MTO1: variants seen among roughly 807,000 people sequenced by gnomAD.
MTO1 encodes the protein mitochondrial tRNA translation optimization 1.
MTO1 carries 46 observed loss-of-function variants against 71.6 expected under a neutral mutation model. The ratio of observed to expected loss-of-function variants is 0.64; its 90% CI spans 0.51 to 0.82. The LOEUF (loss-of-function observed/expected upper bound fraction) is 0.82. Ranked by LOEUF, MTO1 falls within the 40% of genes least tolerant of loss-of-function variation. MTO1 has a pLI of 0.00. For synonymous variants in MTO1, 297 were observed against 312.1 expected (o/e 0.95, Z 0.51); for missense variants, 773 against 867.5 (o/e 0.89, Z 1.37).
chr6:73,495,014 C>T (rs1771946327), intron 10 of MTO1, among the ~76,000 whole-genome samples: 1 of 151,850 alleles, frequency 6.6e-6, no homozygotes, highest in African/African-American at 2.4e-5. Flanking sequence ...AACACCTGAC[C>T]TCAGATGATC....
intron 11 of MTO1, among the ~76,000 whole-genome samples, chr6:73,498,288 A>G (rs1019518084): frequency 2.0e-5 from 3 of 151,910 alleles, no homozygotes; most frequent in Non-Finnish European, 4.4e-5. Flanking sequence ...ATGAGAGATG[A>G]TAAAGCTTAA....
At chr6:73,493,354 A>ATGTGTGTGTGTGTGTGTG (rs144509962) in intron 10 of MTO1, among the ~76,000 whole-genome samples, 10 of 139,460 alleles carry the variant, frequency 7.2e-5, no homozygotes, top group East Asian at 2.2e-4. Context: ...ATGTGCATGT[A>ATGTGTGTGTGTGTGTGTG]TGTGTGTGTG....
chr6:73,479,886 C>T lies in MTO1; in HGVS notation c.938+42C>T, dbSNP rs1026125380. 8 of 1,602,372 alleles carry T rather than the reference C, an allele frequency of 5.0e-6. No homozygotes were observed. In the Admixed American group the frequency reaches 1.0e-4, roughly 20 times the overall value. ...AGTGCTCAGTTACTTTAAGGAATGA[C>T]GTCAATCCTCTTTTGTTCATTTCAA... On this transcript the variant is annotated intron_variant, in intron 5 of 11. Transcript: ENST00000498286.
intron 1 of MTO1, among the ~76,000 whole-genome samples, chr6:73,464,626 A>G (rs973892804): frequency 3.3e-5 from 5 of 151,546 alleles, no homozygotes; most frequent in African/African-American, 1.2e-4. Context: ...TTAAAAATAG[A>G]AAATTAAACA....
chr6:73,500,020 G>A (rs977022929), intron 11 of MTO1, among the ~76,000 whole-genome samples: 1 of 152,034 alleles, frequency 6.6e-6, no homozygotes, highest in Non-Finnish European at 1.5e-5. Flanking sequence ...ATTTTTTTGA[G>A]AGAGGGGCTT....
chr6:73,465,845 G>A (rs3116660), intron 1 of MTO1, among the ~76,000 whole-genome samples: 2 of 152,070 alleles, frequency 1.3e-5, no homozygotes, highest in South Asian at 2.1e-4. Flanking sequence ...TTAGCCAGGC[G>A]TGGTGCCGGA....
chr6:73,482,789 CTTTT>C (rs35121302), intron 9 of MTO1, among the ~76,000 whole-genome samples, 169 bp downstream of exon 9: 2 of 92,144 alleles, frequency 2.2e-5, no homozygotes, highest in Non-Finnish European at 3.9e-5. Context: ...TTTTTTCTTT[CTTTT>C]TTTTTTTTTT....
intron 10 of MTO1, among the ~76,000 whole-genome samples, chr6:73,493,666 C>T (rs555512368): frequency 1.3e-5 from 2 of 151,766 alleles, no homozygotes; most frequent in Non-Finnish European, 2.9e-5. Context: ...GCTGGGATTA[C>T]AGGTGTGAGC....
At position 73,503,026 on chromosome 6, in the gene MTO1, T is replaced by G. The variant is rs1202034377; in HGVS notation, c.*2291T>G. 1 of 152,232 alleles carries G rather than the reference T, an allele frequency of 6.6e-6. No individual in the cohort carries two copies. Among genetic ancestry groups the G allele is most frequent in the Non-Finnish European group, 1.5e-5 (1 of 68,046 alleles). The allele number at this position is 152,232 out of a possible 1,614,324, so 9.4% of individuals were successfully genotyped here. A position where few individuals can be genotyped will look rare whatever the true frequency, so the allele number is the denominator to read the frequency against. ...TTAGTAATGAAGGTTTGTAATGCTA[T>G]TCCATTACAATAGTAACTGTCTCAC... On this transcript the variant is annotated 3_prime_UTR_variant, in exon 12 of 12. Transcript: ENST00000498286.
At chr6:73,494,629 AC>A (rs1771930052) in intron 10 of MTO1, among the ~76,000 whole-genome samples, 1 of 151,862 alleles carries the variant, frequency 6.6e-6, no homozygotes, top group South Asian at 2.1e-4. Flanking sequence ...GGCATGCACC[AC>A]CACGCCTGGC....
chr6:73,481,794 A>G (rs1771498526), intron 7 of MTO1, among the ~76,000 whole-genome samples: 1 of 152,150 alleles, frequency 6.6e-6, no homozygotes, highest in Admixed American at 6.6e-5. Flanking sequence ...TAGTCCCCGC[A>G]GAGTGCAGCT....
chr6:73,462,992 G>C (rs1169965412), intron 1 of MTO1, among the ~76,000 whole-genome samples: 1 of 149,838 alleles, frequency 6.7e-6, no homozygotes, highest in Admixed American at 6.7e-5. Context: ...TCAAGATTTT[G>C]TGATGCCTTT....
intron 1 of MTO1, among the ~76,000 whole-genome samples, chr6:73,464,835 CAAAA>C (rs70996805): frequency 7.1e-5 from 2 of 28,354 alleles, no homozygotes; most frequent in Admixed American, 4.3e-4. Context: ...AACTCTGTCT[CAAAA>C]AAAAAAAAAA....
rs1772139163 is a variant in MTO1, at chr6:73,500,770, AAAT to A, written c.*39_*41del. 1.3e-6 allele frequency: 2 copies of A among 1,500,516 alleles called. No individual in the cohort carries two copies. Among genetic ancestry groups the A allele is most frequent in the South Asian group, 1.3e-5 (1 of 74,662 alleles). 93.0% of individuals were successfully genotyped at this position (1,500,516 alleles called of 1,614,324 possible). ...CATAAAAGATTTTTAAAGAGCATATAAATAATTTGATCAATACAACAGTATAGA... is the reference window on the plus strand; with the variant it reads ...CATAAAAGATTTTTAAAGAGCATATAAATTTGATCAATACAACAGTATAGA... On this transcript the variant is annotated 3_prime_UTR_variant, in exon 12 of 12. Transcript: ENST00000498286.
At chr6:73,493,362 G>GTGTGTGTGTGTGTA (rs1771881136) in intron 10 of MTO1, among the ~76,000 whole-genome samples, 1 of 149,310 alleles carries the variant, frequency 6.7e-6, no homozygotes, top group South Asian at 2.1e-4. Flanking sequence ...GTATGTGTGT[G>GTGTGTGTGTGTGTA]TGTGTGTGTG....
chr6:73,503,440 G>A lies in MTO1; in HGVS notation c.*2705G>A, dbSNP rs1198417709. ...AAACCTCTTTAAATCCACAATGTTT[G>A]TATGTTAACTTAAACAAAATTACAT... On this transcript the variant is annotated 3_prime_UTR_variant, in exon 12 of 12. Transcript: ENST00000498286. The A allele has an allele frequency of 1.3e-5, 2 of 152,182 alleles. No homozygotes were observed. Among genetic ancestry groups the A allele is most frequent in the Non-Finnish European group, 2.9e-5 (2 of 68,040 alleles). The allele number at this position is 152,182 out of a possible 1,614,324, so 9.4% of individuals were successfully genotyped here. A position where few individuals can be genotyped will look rare whatever the true frequency, so the allele number is the denominator to read the frequency against.
intron 1 of MTO1, among the ~76,000 whole-genome samples, chr6:73,463,494 A>G (rs1274311792): frequency 6.6e-6 from 1 of 152,142 alleles, no homozygotes; most frequent in African/African-American, 2.4e-5. Flanking sequence ...AATTATGTAT[A>G]CTTTTGTCTT....
chr6:73,502,259 C>G lies in MTO1; in HGVS notation c.*1524C>G, dbSNP rs1378902025. On this transcript the variant is annotated 3_prime_UTR_variant, in exon 12 of 12. Transcript: ENST00000498286. ...AGGAGTTCAAGACCAGCCTGGCCAACATGGCAAAACCCCATCTCCACTAAA... is the reference window on the plus strand; with the variant it reads ...AGGAGTTCAAGACCAGCCTGGCCAAGATGGCAAAACCCCATCTCCACTAAA... 6.6e-6 allele frequency: 1 copy of G among 152,030 alleles called. No individual in the cohort carries two copies. The highest frequency in any genetic ancestry group is 2.4e-5 in the African/African-American group (1 of 41,362). 9.4% of individuals were successfully genotyped at this position (152,030 alleles called of 1,614,324 possible). A position where few individuals can be genotyped will look rare whatever the true frequency, so the allele number is the denominator to read the frequency against.
rs572896088 is a variant in MTO1, at chr6:73,506,847, C to T, written c.*6112C>T. The T allele has an allele frequency of 9.9e-3, 1,462 of 147,406 alleles. 7 individuals are homozygous for T. Among genetic ancestry groups the T allele is most frequent in the Middle Eastern group, 0.048 (14 of 292 alleles). 9.1% of individuals were successfully genotyped at this position (147,406 alleles called of 1,614,324 possible). ...GGGATTACAGGCTTGTGCCACCACACCCGGCTAATTTTTGTATTTTTAGTA... is the reference window on the plus strand; with the variant it reads ...GGGATTACAGGCTTGTGCCACCACATCCGGCTAATTTTTGTATTTTTAGTA... On this transcript the variant is annotated 3_prime_UTR_variant, in exon 12 of 12. Transcript: ENST00000498286.
Sources: allele counts gnomAD v4.1 joint callset (sites outside exome capture counted in the v4.1 genomes callset), GRCh38; gene constraint gnomAD v4.1.1; transcripts MANE v1.5; gene names NCBI Gene and HGNC (gene_info 2026-07-23, HGNC 2026-07-21).